DPPA3: variants seen among roughly 807,000 people sequenced by gnomAD.
DPPA3 encodes developmental pluripotency-associated protein 3.
Under a neutral mutation model 15.6 loss-of-function variants are expected in DPPA3, and 9 were observed. That is an observed-to-expected ratio of 0.58 (90% CI 0.35 to 1.01). DPPA3 has a LOEUF of 1.01. Ranked by LOEUF, DPPA3 falls within the 50% of genes least tolerant of loss-of-function variation. DPPA3 has a pLI of 0.02. For synonymous variants in DPPA3, 61 were observed against 70.9 expected (o/e 0.86, Z 0.70); for missense variants, 148 against 194.6 (o/e 0.76, Z 1.42).
Position 7,716,073 on chromosome 12 carries a change from A to T in DPPA3, c.328-125A>T, listed in dbSNP as rs753690173. The stretch of plus-strand genomic sequence containing the variant: ...AGCCATGATTGCTCCACTGCAATCC[A>T]GCCTGGGCAACAGAGAAAGACCCTG... On this transcript the variant is annotated intron_variant, in intron 2 of 3. Transcript: ENST00000345088. 3.6e-5 allele frequency: 30 copies of T among 833,598 alleles called. No individual in the cohort carries two copies. In the South Asian group the frequency reaches 4.1e-4, roughly 11 times the overall value. 51.6% of individuals were successfully genotyped at this position (833,598 alleles called of 1,614,324 possible). A position where few individuals can be genotyped will look rare whatever the true frequency, so the allele number is the denominator to read the frequency against.
At position 7,712,077 on chromosome 12, in the gene DPPA3, G is replaced by GGCTATTTT. The variant is rs71038728; in HGVS notation, c.82+425_82+426insGCTATTTT. ...ACTACAGGCGCCCGCCACCGCGCCC[G>GGCTATTTT]TTTTTTTTTTTGTATTTTTGGTAGA... On this transcript the variant is annotated intron_variant, in intron 1 of 3. Coordinates refer to ENST00000345088, the MANE Select transcript of DPPA3 (RefSeq NM_199286.4). 1.2e-3 allele frequency among the ~76,000 whole-genome samples: 97 copies of GGCTATTTT among 77,980 alleles called. 36 individuals are homozygous for GGCTATTTT. Among genetic ancestry groups the GGCTATTTT allele is most frequent in the East Asian group, 2.2e-3 (6 of 2,676 alleles). The allele number at this position is 77,980 out of a possible 152,430, so 51.2% of individuals were successfully genotyped here.
In DPPA3 at chr12:7,716,384, C is replaced by A. The variant is rs1263897027; in HGVS notation, c.369+145C>A. The A allele has an allele frequency of 7.9e-6, 5 of 631,966 alleles. No individual in the cohort carries two copies. The East Asian group carries it at 1.4e-4, about 18-fold the overall frequency. The allele number at this position is 631,966 out of a possible 1,614,324, so 39.1% of individuals were successfully genotyped here. A position where few individuals can be genotyped will look rare whatever the true frequency, so the allele number is the denominator to read the frequency against. On this transcript the variant is annotated intron_variant, in intron 3 of 3. Transcript: ENST00000345088. ...GAATCCCCAGGGACTCTGGATAAGT[C>A]AGTTCATGTTTGTAGTTTTTAAAAA...
chr12:7,713,803 AC>A (rs762965448), intron 1 of DPPA3, among the ~76,000 whole-genome samples: 79 of 152,356 alleles, frequency 5.2e-4, no homozygotes, highest in African/African-American at 1.9e-3. Flanking sequence ...CACAGAATGT[AC>A]GGTAGGTAAT....
intron 1 of DPPA3, among the ~76,000 whole-genome samples, chr12:7,714,109 A>G (rs1482937572): frequency 1.3e-5 from 2 of 152,108 alleles, no homozygotes; most frequent in Non-Finnish European, 2.9e-5. Flanking sequence ...GGGCGCCTGT[A>G]GTCCCAGCTG....
chr12:7,713,714 G>A (rs776168117), intron 1 of DPPA3, among the ~76,000 whole-genome samples: 1 of 152,154 alleles, frequency 6.6e-6, no homozygotes, highest in African/African-American at 2.4e-5. Context: ...CACTTACTTC[G>A]ACTGCCCAGT....
At chr12:7,714,649 G>C (rs1049557520) in intron 1 of DPPA3, among the ~76,000 whole-genome samples, 14 of 125,396 alleles carry the variant, frequency 1.1e-4, no homozygotes, top group African/African-American at 4.1e-4. Context: ...CGAGTAGCTG[G>C]GATTACAGGC....
intron 1 of DPPA3, among the ~76,000 whole-genome samples, chr12:7,713,349 G>A (rs1356155246): frequency 6.6e-6 from 1 of 152,164 alleles, no homozygotes; most frequent in African/African-American, 2.4e-5. Flanking sequence ...AAAAATGAAC[G>A]TACCCCCAGT....
At chr12:7,714,705 T>A (rs1331893487) in intron 1 of DPPA3, among the ~76,000 whole-genome samples, 1 of 145,602 alleles carries the variant, frequency 6.9e-6, no homozygotes, top group Non-Finnish European at 1.5e-5. Flanking sequence ...TTATTTCTAT[T>A]TTTATTTTTA....
At chr12:7,715,038 T>A in intron 1 of DPPA3, 145 bp from the exon 2 acceptor site, 2 of 1,258,574 alleles carry the variant, frequency 1.6e-6, no homozygotes, top group Non-Finnish European at 2.2e-6. Flanking sequence ...GAGAAAAGAC[T>A]AGAGGTTGTG....
intron 1 of DPPA3, among the ~76,000 whole-genome samples, chr12:7,712,517 G>C (rs745582932): frequency 6.6e-6 from 1 of 151,964 alleles, no homozygotes; most frequent in Non-Finnish European, 1.5e-5. Context: ...GCGCGGTGTC[G>C]GCTCACTGCA....
chr12:7,712,753 ATT>A (rs1435223290), intron 1 of DPPA3, among the ~76,000 whole-genome samples: 1 of 151,832 alleles, frequency 6.6e-6, no homozygotes, highest in Non-Finnish European at 1.5e-5. Context: ...TCCTATTTTT[ATT>A]TTTATTTTTA....
At chr12:7,715,588 G>A (rs1156487546) in intron 2 of DPPA3, among the ~76,000 whole-genome samples, 161 bp downstream of exon 2, 2 of 152,068 alleles carry the variant, frequency 1.3e-5, no homozygotes, top group African/African-American at 4.8e-5. Flanking sequence ...CTGAGGACAG[G>A]AGTTCGAAAC....
rs939387612 is a variant in DPPA3 at position 7,716,200 on chromosome 12, T to C, written c.330T>C (p.His110=). ...AAACATATTTTTTTCCCATGAAGCATGAAAGAAGACCAACAAACAAGGAGC... is the reference window on the plus strand; with the variant it reads ...AAACATATTTTTTTCCCATGAAGCACGAAAGAAGACCAACAAACAAGGAGC... ...RYMLLGGVRT[H]ERRPTNKEPK... is the part of the protein sequence containing the mutation. The change falls in exon 3 of 4, where the codon CAT becomes CAC. Residue 110 remains histidine (H), a splice_region_variant and synonymous_variant. Transcript: ENST00000345088. 5.6e-6 allele frequency: 9 copies of C among 1,605,432 alleles called. No individual in the cohort carries two copies. Among genetic ancestry groups the C allele is most frequent in the Non-Finnish European group, 7.7e-6 (9 of 1,175,474 alleles).
chr12:7,713,195 C>A (rs1455308582), intron 1 of DPPA3, among the ~76,000 whole-genome samples: 1 of 152,238 alleles, frequency 6.6e-6, no homozygotes, highest in East Asian at 1.9e-4. Flanking sequence ...CGGCAGAAAC[C>A]CTGGAGCCAA....
At chr12:7,714,539 GT>G (rs982277793) in intron 1 of DPPA3, among the ~76,000 whole-genome samples, 93 of 151,578 alleles carry the variant, frequency 6.1e-4, no homozygotes, top group African/African-American at 2.1e-3. Flanking sequence ...TTGAGACGGA[GT>G]TTTGCTCTTG....
At chr12:7,714,967 C>G (rs757301207) in intron 1 of DPPA3, among the ~76,000 whole-genome samples, 5 of 152,120 alleles carry the variant, frequency 3.3e-5, no homozygotes, top group Non-Finnish European at 7.4e-5. Flanking sequence ...CCCGCCTCGG[C>G]CTCCCAAAGT....
chr12:7,715,288 G>C lies in DPPA3; in HGVS notation c.188G>C (p.Arg63Pro). The change falls in exon 2 of 4, where the codon CGA becomes CCA. Residue 63 changes from arginine to proline, a missense_variant. By Grantham distance (103) the Arg-to-Pro change is moderately radical. Transcript: ENST00000345088. ...VSPLSEALLR[R>P]ESVGAAVLRE... Reference sequence around the variant, plus strand: ...CCTCTATCGGAAGCTTTACTCCGTCGAGAGTCTGTAGGAGCAGCAGTCCTC... The same window carrying C: ...CCTCTATCGGAAGCTTTACTCCGTCCAGAGTCTGTAGGAGCAGCAGTCCTC... 1 of 1,613,878 alleles carries C rather than the reference G, an allele frequency of 6.2e-7. No individual in the cohort carries two copies. Among genetic ancestry groups the C allele is most frequent in the Non-Finnish European group, 8.5e-7 (1 of 1,179,892 alleles).
rs187800998 is a variant in DPPA3 at position 7,712,168 on chromosome 12, G to A, written c.82+516G>A. 3.4e-3 allele frequency among the ~76,000 whole-genome samples: 507 copies of A among 150,312 alleles called. 3 individuals are homozygous for A. The highest frequency in any genetic ancestry group is 0.024 in the Middle Eastern group (7 of 292). ...CTTACCTCGTGATCCGCCCGCCTCG[G>A]CCTCCCAAAGTACTGGGATTACAGG... On this transcript the variant is annotated intron_variant, in intron 1 of 3. Coordinates refer to ENST00000345088, the MANE Select transcript of DPPA3 (RefSeq NM_199286.4).
intron 3 of DPPA3, among the ~76,000 whole-genome samples, chr12:7,716,568 T>A (rs1864401994): frequency 6.6e-6 from 1 of 150,466 alleles, no homozygotes; most frequent in South Asian, 2.1e-4. Context: ...GAGTTCATAG[T>A]TTACACTAGG....
Sources: allele counts gnomAD v4.1 joint callset (sites outside exome capture counted in the v4.1 genomes callset), GRCh38; gene constraint gnomAD v4.1.1; transcripts MANE v1.5; gene names NCBI Gene and HGNC (gene_info 2026-07-23, HGNC 2026-07-21).